Variants in CORO6 observed in about 807,000 individuals in gnomAD.
CORO6 encodes the protein coronin-6.
Under a neutral mutation model 49.0 loss-of-function variants are expected in CORO6, and 43 were observed. The observed-to-expected ratio is 0.88, with a 90% CI of 0.69 to 1.13. CORO6 has a LOEUF of 1.13. Among genes scored for constraint, CORO6 ranks in the 50% most tolerant of loss-of-function variants. The probability of loss-of-function intolerance (pLI) is 0.00; values close to 1 mark genes in which losing one functional copy is unlikely to be tolerated. For missense variants in CORO6, 650 were observed against 647.0 expected (o/e 1.00, Z -0.05); for synonymous variants, 233 against 256.5 (o/e 0.91, Z 0.88).
chr17:29,615,669 T>G lies in CORO6; in HGVS notation c.*63A>C, dbSNP rs1478218246. The G allele has an allele frequency of 1.4e-6, 2 of 1,429,202 alleles. No homozygotes were observed. The highest frequency in any genetic ancestry group is 1.8e-6 in the Non-Finnish European group (2 of 1,094,600). 88.5% of individuals were successfully genotyped at this position (1,429,202 alleles called of 1,614,324 possible). On this transcript the variant is annotated 3_prime_UTR_variant, in exon 11 of 11. Coordinates refer to ENST00000388767, the MANE Select transcript of CORO6 (RefSeq NM_032854.4). ...GAAGGCGGGGTCCGGAGTTCGGGAC[T>G]AAAAGCCGGGGCGGGGCCGAGCTTG...
At position 29,617,543 on chromosome 17, in the gene CORO6, C is replaced by A; in HGVS notation, c.710G>T (p.Gly237Val). Residue 237 changes from glycine to valine, a missense_variant, in exon 6 of 11, where the codon GGC becomes GTC. Physicochemically the swap from Gly to Val is moderately radical, Grantham distance 109 (BLOSUM62 -3). Transcript: ENST00000388767. ...CTCTCGCTGGCTCATGCGGGTGAAG[C>A]CCGTGGTGAAGATATGGCCCTGGCG... is the stretch of plus-strand genomic sequence containing the variant. ...FTRQGHIFTT[G>V]FTRMSQRELG... The A allele has an allele frequency of 6.2e-7, 1 of 1,611,240 alleles. No homozygotes were observed. The highest frequency in any genetic ancestry group is 8.5e-7 in the Non-Finnish European group (1 of 1,179,682).
chr17:29,616,690 A>C lies in CORO6; in HGVS notation c.1004+12T>G. The C allele has an allele frequency of 6.2e-7, 1 of 1,608,784 alleles. No individual in the cohort carries two copies. The highest frequency in any genetic ancestry group is 1.7e-5 in the Admixed American group (1 of 59,944). Reference sequence around the variant, plus strand: ...GGCGGGTAGGTGTTCAGGAGGGGCCAAGGCTGCTGACCGGGCGATCTCACA... The same window carrying C: ...GGCGGGTAGGTGTTCAGGAGGGGCCCAGGCTGCTGACCGGGCGATCTCACA... On this transcript the variant is annotated intron_variant, in intron 8 of 10. Coordinates refer to ENST00000388767, the MANE Select transcript of CORO6 (RefSeq NM_032854.4). The surrounding 1 kb of genome is among the most constrained non-coding windows in gnomAD (Gnocchi z 5.6).
At chr17:29,620,158 G>A (rs909630285) in intron 2 of CORO6, among the ~76,000 whole-genome samples, 2 of 152,232 alleles carry the variant, frequency 1.3e-5, no homozygotes, top group Non-Finnish European at 2.9e-5. Flanking sequence ...AGATAATAGT[G>A]TAGTGCTGGA....
rs1598648166 is a variant in CORO6, at chr17:29,621,569, G to A, written c.-63-85C>T. The A allele has an allele frequency of 1.5e-6, 2 of 1,364,808 alleles. No individual in the cohort carries two copies. The highest frequency in any genetic ancestry group is 1.4e-5 in the South Asian group (1 of 69,770). The allele number at this position is 1,364,808 out of a possible 1,614,324, so 84.5% of individuals were successfully genotyped here. On this transcript the variant is annotated intron_variant, in intron 1 of 10. Coordinates refer to ENST00000388767, the MANE Select transcript of CORO6 (RefSeq NM_032854.4). This position sits in a 1 kb window ranked among gnomAD's most constrained non-coding sequence, Gnocchi z 4.2. ...CAGGTATAAATCCATATAGTGTCTG[G>A]TCCTAGAAGCAGGGAGCTTTCTTCA... is the stretch of plus-strand genomic sequence containing the variant.
At chr17:29,618,194 C>A in intron 5 of CORO6, 1 of 1,334,954 alleles carries the variant, frequency 7.5e-7, no homozygotes, top group South Asian at 1.9e-5. Flanking sequence ...TGGGTTAGAG[C>A]GCCCCGGCGC....
chr17:29,618,625 G>A, intron 5 of CORO6, 165 bp downstream of exon 5: 1 of 1,431,218 alleles, frequency 7.0e-7, no homozygotes, highest in Non-Finnish European at 9.1e-7. Context: ...CTTACTTAGG[G>A]CAGAGACCTG....
At position 29,622,746 on chromosome 17, in the gene CORO6, A is replaced by G; in HGVS notation, c.-122T>C. ...GCGAATCCTCTGCGGAAGGGGCCCGAGTGCGTAGGGGGCCGAGGAAGGCTT... is the reference window on the plus strand; with the variant it reads ...GCGAATCCTCTGCGGAAGGGGCCCGGGTGCGTAGGGGGCCGAGGAAGGCTT... On this transcript the variant is annotated 5_prime_UTR_variant, in exon 1 of 11. Transcript: ENST00000388767. 7.6e-7 allele frequency: 1 copy of G among 1,318,852 alleles called. No individual in the cohort carries two copies. Among genetic ancestry groups the G allele is most frequent in the Non-Finnish European group, 1.0e-6 (1 of 999,914 alleles). The allele number at this position is 1,318,852 out of a possible 1,614,324, so 81.7% of individuals were successfully genotyped here.
At position 29,617,254 on chromosome 17, in the gene CORO6, G is replaced by T. The variant is rs928984505; in HGVS notation, c.754-212C>A. 7 of 1,535,254 alleles carry T rather than the reference G, an allele frequency of 4.6e-6. No homozygotes were observed. The South Asian group carries it at 6.0e-5, about 13-fold the overall frequency. On this transcript the variant is annotated intron_variant, in intron 6 of 10. Transcript: ENST00000388767. ...CCTGCACATATACCCGCTGCGCGCC[G>T]CATGCAGTCACAGCAAACCACCCCC...
chr17:29,615,308 A>C lies in CORO6; in HGVS notation c.*424T>G. The C allele has an allele frequency of 6.2e-6, 1 of 162,236 alleles. No individual in the cohort carries two copies. 10.0% of individuals were successfully genotyped at this position (162,236 alleles called of 1,614,324 possible). On this transcript the variant is annotated 3_prime_UTR_variant, in exon 11 of 11. Transcript: ENST00000388767. ...GGAATCCAGTGAGCTGATTAGGAGA[A>C]GCGCTGTCATTTTCCCCAGCCTGGG...
rs993497853 is a variant in CORO6 at position 29,620,320 on chromosome 17, G to A, written c.199-547C>T. Among the ~76,000 whole-genome samples, 5 of 152,242 alleles carry A rather than the reference G, an allele frequency of 3.3e-5. No individual in the cohort carries two copies. In the East Asian group the frequency reaches 7.7e-4, roughly 23 times the overall value. ...TGGTCTTCACAGGCTGCTTGTGGGG[G>A]TTCTGAGACCTCTGCAGGGGCAGAC... On this transcript the variant is annotated intron_variant, in intron 2 of 10. Coordinates refer to ENST00000388767, the MANE Select transcript of CORO6 (RefSeq NM_032854.4).
rs1310807031 is a variant in CORO6, at chr17:29,616,984, A to G, written c.812T>C (p.Leu271Ser). Residue 271 changes from leucine to serine, a missense_variant, in exon 7 of 11, where the codon TTG (leucine) becomes TCG (serine). Coordinates refer to ENST00000388767, the MANE Select transcript of CORO6 (RefSeq NM_032854.4). The surrounding 1 kb of genome is among the most constrained non-coding windows in gnomAD (Gnocchi z 5.6). Reference sequence around the variant, plus strand: ...GCTGGAGTCGGGATCGTAAAAGGGCAATAGGACCCCGTTGCTTGTGTCCAT... The same window carrying G: ...GCTGGAGTCGGGATCGTAAAAGGGCGATAGGACCCCGTTGCTTGTGTCCAT... ...QEMDTSNGVL[L>S]PFYDPDSSIV... is the part of the protein sequence containing the mutation. 2 of 1,613,722 alleles carry G rather than the reference A, an allele frequency of 1.2e-6. No homozygotes were observed. Among genetic ancestry groups the G allele is most frequent in the Non-Finnish European group, 1.7e-6 (2 of 1,180,038 alleles).
Position 29,615,926 on chromosome 17 carries a change from G to A in CORO6, c.1293+19C>T. The stretch of plus-strand genomic sequence containing the variant: ...GGGGAGATGTAGATTGGGCCAGAGT[G>A]CAGCAGGGCCGATCTTACCGACAAG... On this transcript the variant is annotated intron_variant, in intron 10 of 10. Coordinates refer to ENST00000388767, the MANE Select transcript of CORO6 (RefSeq NM_032854.4). 6.3e-7 allele frequency: 1 copy of A among 1,580,634 alleles called. No homozygotes were observed. Among genetic ancestry groups the A allele is most frequent in the Non-Finnish European group, 8.6e-7 (1 of 1,162,146 alleles).
intron 3 of CORO6, 127 bp from the exon 4 acceptor site, chr17:29,619,316 T>C: frequency 2.6e-6 from 3 of 1,175,868 alleles, no homozygotes; most frequent in East Asian, 2.5e-5. Flanking sequence ...CAGGGCAAGA[T>C]GTGGTGGTGC....
chr17:29,618,476 T>C, intron 5 of CORO6: 1 of 1,288,292 alleles, frequency 7.8e-7, no homozygotes, highest in Non-Finnish European at 9.8e-7. Context: ...GAGCTCAGGT[T>C]TCATGCAGGT....
At position 29,616,395 on chromosome 17, in the gene CORO6, C is replaced by A; in HGVS notation, c.1005-59G>T. The A allele has an allele frequency of 1.3e-6, 2 of 1,522,958 alleles. No individual in the cohort carries two copies. Among genetic ancestry groups the A allele is most frequent in the South Asian group, 2.4e-5 (2 of 84,690 alleles). 94.3% of individuals were successfully genotyped at this position (1,522,958 alleles called of 1,614,324 possible). On this transcript the variant is annotated intron_variant, in intron 8 of 10. Transcript: ENST00000388767. The surrounding 1 kb of genome is among the most constrained non-coding windows in gnomAD (Gnocchi z 5.6). ...CTTCCACGTCCTTAACTTCTCCTGT[C>A]TAAGACCAAGGGGGTTGGAGGCCAA...
rs925468884 is a variant in CORO6, at chr17:29,619,204, A to C, written c.322-15T>G. ...ATCTGCCACACCTGGGTAGGAAGAA[A>C]AGGTATATGGTGGGTGGAATGAGGA... On this transcript the variant is annotated splice_polypyrimidine_tract_variant and intron_variant, in intron 3 of 10. Coordinates refer to ENST00000388767, the MANE Select transcript of CORO6 (RefSeq NM_032854.4). The C allele has an allele frequency of 6.2e-7, 1 of 1,612,740 alleles. No homozygotes were observed. The highest frequency in any genetic ancestry group is 1.3e-5 in the African/African-American group (1 of 74,754).
Position 29,617,025 on chromosome 17 carries a change from T to A in CORO6, c.771A>T (p.Pro257=). Residue 257 remains proline (P), a synonymous_variant, in exon 7 of 11, where the codon CCA becomes CCT. Coordinates refer to ENST00000388767, the MANE Select transcript of CORO6 (RefSeq NM_032854.4). ...TTGTGTCCATCTCCTGCAGTGCCAC[T>A]GGCTCCTCGAAGTTGTTCTGCCCGA... ...GLWDPNNFEE[P]VALQEMDTSN... is the part of the protein sequence containing the mutation. 6.2e-7 allele frequency: 1 copy of A among 1,613,618 alleles called. No individual in the cohort carries two copies. The highest frequency in any genetic ancestry group is 8.5e-7 in the Non-Finnish European group (1 of 1,179,986).
At position 29,618,355 on chromosome 17, in the gene CORO6, C is replaced by T. The variant is rs1024856241; in HGVS notation, c.633+435G>A. 4 of 1,289,902 alleles carry T rather than the reference C, an allele frequency of 3.1e-6. No homozygotes were observed. In the African/African-American group the frequency reaches 6.2e-5, roughly 20 times the overall value. The allele number at this position is 1,289,902 out of a possible 1,614,324, so 79.9% of individuals were successfully genotyped here. On this transcript the variant is annotated intron_variant, in intron 5 of 10. Coordinates refer to ENST00000388767, the MANE Select transcript of CORO6 (RefSeq NM_032854.4). ...GATAAGCAACGCGCGAGGGTTGCCC[C>T]ATCCCCCGCCCAGCGGGTCCACAAG...
In CORO6 at chr17:29,622,843, C is replaced by G. The variant is rs1025377533; in HGVS notation, c.-219G>C. 15 of 1,303,864 alleles carry G rather than the reference C, an allele frequency of 1.2e-5. No individual in the cohort carries two copies. The highest frequency in any genetic ancestry group is 1.4e-5 in the Non-Finnish European group (14 of 990,554). 80.8% of individuals were successfully genotyped at this position (1,303,864 alleles called of 1,614,324 possible). On this transcript the variant is annotated 5_prime_UTR_variant, in exon 1 of 11. Coordinates refer to ENST00000388767, the MANE Select transcript of CORO6 (RefSeq NM_032854.4). ...CGGGTGTCCAGCTCCGCACTCTGGC[C>G]GATCCTGCGGCTCTCTAGAGCCCGG...
Sources: gnomAD v4.1 joint callset for allele counts (sites outside exome capture counted in the v4.1 genomes callset) on GRCh38, gnomAD v4.1.1 for gene constraint, Gnocchi (gnomAD v3.1) non-coding constraint, MANE v1.5 for transcripts, NCBI Gene and HGNC (gene_info 2026-07-23, HGNC 2026-07-21) for gene names.